STK26: variants seen among roughly 807,000 people sequenced by gnomAD.
STK26 encodes serine/threonine kinase 26.
Under a neutral mutation model 34.7 loss-of-function variants are expected in STK26, and 14 were observed. The observed-to-expected ratio is 0.40, with a 90% CI of 0.27 to 0.63. The LOEUF is 0.63. Ranked by LOEUF, STK26 falls within the 30% of genes least tolerant of loss-of-function variation. STK26 has a pLI of 0.38. For synonymous variants in STK26, 100 were observed against 109.8 expected, an observed-to-expected ratio of 0.91 and a Z score of 0.56; for missense variants, 226 against 309.1, an observed-to-expected ratio of 0.73 and a Z score of 2.02.
chrX:132,042,872 T>G (rs764634223), intron 2 of STK26, among the ~76,000 whole-genome samples: 8 of 111,735 alleles, frequency 7.2e-5, no homozygotes, highest in African/African-American at 2.3e-4. Flanking sequence ...TTTTCCCTAG[T>G]CCTACGATTC....
chrX:132,054,878 A>G lies in STK26; in HGVS notation c.273+17A>G. 8.9e-7 allele frequency: 1 copy of G among 1,127,343 alleles called. No homozygotes were observed. Among genetic ancestry groups the G allele is most frequent in the South Asian group, 2.0e-5 (1 of 51,009 alleles). The allele number at this position is 1,127,343 out of a possible 1,213,427, so 92.9% of individuals were successfully genotyped here. A position where few individuals can be genotyped will look rare whatever the true frequency, so the allele number is the denominator to read the frequency against. On this transcript the variant is annotated intron_variant, in intron 3 of 11. Transcript: ENST00000394334. The stretch of plus-strand genomic sequence containing the variant: ...TATTTAAAGGTAATGTGTGTGCTGT[A>G]TTATTTAAGTCATAAGGTATTTTCA...
chrX:132,064,705 T>C (rs1172395342), intron 4 of STK26, among the ~76,000 whole-genome samples: 2 of 111,626 alleles, frequency 1.8e-5, no homozygotes, highest in Admixed American at 9.5e-5. Flanking sequence ...CTAAGTTATT[T>C]CTAAGTTCCC....
chrX:132,035,304 C>G (rs770851067), intron 2 of STK26, among the ~76,000 whole-genome samples: 1 of 111,367 alleles, frequency 9.0e-6, no homozygotes, highest in East Asian at 2.8e-4. Context: ...CTTCTGTTTT[C>G]CTTAATCTAG....
chrX:132,043,669 G>A (rs1202838790), intron 2 of STK26, among the ~76,000 whole-genome samples: 2 of 111,521 alleles, frequency 1.8e-5, no homozygotes, highest in Non-Finnish European at 3.8e-5. Context: ...CAGCAGAGTG[G>A]TATGCAAACT....
chrX:132,045,648 T>C (rs1321514577), intron 2 of STK26, among the ~76,000 whole-genome samples: 3 of 112,085 alleles, frequency 2.7e-5, no homozygotes, highest in Non-Finnish European at 5.6e-5. Flanking sequence ...CAGAGAGGAA[T>C]TAGCTAAATG....
intron 8 of STK26, 96 bp downstream of exon 8, chrX:132,071,313 TAAACC>T: frequency 1.0e-6 from 1 of 978,489 alleles, no homozygotes; most frequent in East Asian, 3.2e-5. Flanking sequence ...GCATAAAATA[TAAACC>T]ATATTTTGAA....
chrX:132,072,692 C>T, intron 9 of STK26, 121 bp from the exon 10 acceptor site: 1 of 713,279 alleles, frequency 1.4e-6, no homozygotes, highest in Admixed American at 2.7e-5. Flanking sequence ...TAGAGACTTG[C>T]CTTGCATACA....
At position 132,068,602 on chromosome X, in the gene STK26, T is replaced by G. The variant is rs762413625; in HGVS notation, c.597+33T>G. 10 of 1,169,280 alleles carry G rather than the reference T, an allele frequency of 8.6e-6. No homozygotes were observed. In the South Asian group the frequency reaches 2.0e-4, roughly 23 times the overall value. On this transcript the variant is annotated intron_variant, in intron 6 of 11. Coordinates refer to ENST00000394334, the MANE Select transcript of STK26 (RefSeq NM_016542.4). ...ATTACCTGTACAAACTGTTTTGGGC[T>G]TGTTAATAAATTATATATGGCACAC...
intron 2 of STK26, among the ~76,000 whole-genome samples, chrX:132,041,986 A>G (rs1362777538): frequency 8.9e-6 from 1 of 112,104 alleles, no homozygotes; most frequent in Non-Finnish European, 1.9e-5. Flanking sequence ...TCAACTCATT[A>G]GTAGATATCT....
rs1224857234 is a variant in STK26, at chrX:132,075,765, G to A, written c.*1606G>A. Reference sequence around the variant, plus strand: ...TGTTATGGGTTAAATGAATATTTTTGTAAAAGTAAAAGCAACAAATTTATA... The same window carrying A: ...TGTTATGGGTTAAATGAATATTTTTATAAAAGTAAAAGCAACAAATTTATA... On this transcript the variant is annotated 3_prime_UTR_variant, in exon 12 of 12. Transcript: ENST00000394334. 1.8e-5 allele frequency: 2 copies of A among 111,686 alleles called. No individual in the cohort carries two copies. Among genetic ancestry groups the A allele is most frequent in the Admixed American group, 1.9e-4 (2 of 10,514 alleles). The allele number at this position is 111,686 out of a possible 1,213,427, so 9.2% of individuals were successfully genotyped here.
chrX:132,049,698 C>A (rs771785932), intron 2 of STK26, among the ~76,000 whole-genome samples: 3 of 112,199 alleles, frequency 2.7e-5, no homozygotes, highest in African/African-American at 9.7e-5. Flanking sequence ...AAGAAATCTT[C>A]TTTTAAGCCT....
chrX:132,041,106 C>T (rs1034197438), intron 2 of STK26, among the ~76,000 whole-genome samples: 2 of 111,571 alleles, frequency 1.8e-5, no homozygotes, highest in African/African-American at 6.5e-5. Context: ...CTCAAGGCTG[C>T]GTGTACAGAT....
chrX:132,072,529 T>C (rs1236858217), intron 9 of STK26, among the ~76,000 whole-genome samples, 168 bp downstream of exon 9: 5 of 105,457 alleles, frequency 4.7e-5, no homozygotes, highest in Non-Finnish European at 9.8e-5. Context: ...TTAAGAAAAG[T>C]TAATAGAAGT....
intron 2 of STK26, among the ~76,000 whole-genome samples, chrX:132,037,769 C>CTGTTTTTTTTTTTTTTTTTTTTTTTTTTT: frequency 1.9e-5 from 1 of 51,868 alleles, no homozygotes; most frequent in Non-Finnish European, 3.4e-5. Context: ...CGGAGAGCTG[C>CTGTTTTTTTTTTTTTTTTTTTTTTTTTTT]TTTTTTTTTT....
chrX:132,061,756 A>G (rs1205708319), intron 3 of STK26, among the ~76,000 whole-genome samples: 1 of 111,517 alleles, frequency 9.0e-6, no homozygotes, highest in Non-Finnish European at 1.9e-5. Flanking sequence ...CTAAGCACTC[A>G]TCATCATGTC....
chrX:132,068,670 G>A, intron 6 of STK26, 101 bp downstream of exon 6: 1 of 898,773 alleles, frequency 1.1e-6, no homozygotes, highest in Non-Finnish European at 1.5e-6. Context: ...TGTTTCACAA[G>A]TGTTTCTTAA....
At chrX:132,065,447 T>C (rs1927190296) in intron 4 of STK26, among the ~76,000 whole-genome samples, 2 of 111,610 alleles carry the variant, frequency 1.8e-5, no homozygotes, top group Admixed American at 9.5e-5. Context: ...GGCCACTCTG[T>C]TCAACAGGAT....
intron 2 of STK26, among the ~76,000 whole-genome samples, chrX:132,031,294 C>T (rs755170693): frequency 1.8e-5 from 2 of 111,754 alleles, no homozygotes; most frequent in South Asian, 3.8e-4. Context: ...GGGTAATTAA[C>T]GTATCTATCA....
intron 2 of STK26, among the ~76,000 whole-genome samples, chrX:132,046,692 G>A (rs1926508873): frequency 9.0e-6 from 1 of 111,532 alleles, no homozygotes. Flanking sequence ...ACCAGGGTTG[G>A]AGTGCTGTTG....
Sources: gnomAD v4.1 joint callset for allele counts (sites outside exome capture counted in the v4.1 genomes callset) on GRCh38, gnomAD v4.1.1 for gene constraint, MANE v1.5 for transcripts, NCBI Gene and HGNC (gene_info 2026-07-23, HGNC 2026-07-21) for gene names.